The following OPCML variants were observed in gnomAD, a reference collection of about 807,000 sequenced individuals.
OPCML encodes opioid binding protein/cell adhesion molecule like, also known as opioid-binding protein/cell adhesion molecule.
OPCML carries 13 observed loss-of-function variants against 37.8 expected under a neutral mutation model. The observed-to-expected ratio is 0.34, with a 90% confidence interval of 0.22 to 0.55. The LOEUF is 0.55. OPCML is among the 20% of genes least tolerant of loss of function. The pLI, the probability that OPCML is intolerant of heterozygous loss-of-function variation, is 0.91. For missense variants in OPCML, 341 were observed against 435.6 expected (o/e 0.78, Z 1.93); for synonymous variants, 176 against 168.8 (o/e 1.04, Z -0.33).
At chr11:133,157,095 A>C (rs559802194) in intron 1 of OPCML, among the ~76,000 whole-genome samples, 1 of 152,188 alleles carries the variant, frequency 6.6e-6, no homozygotes, top group Admixed American at 6.5e-5. Context: ...AGGTCACCCA[A>C]TGGCAAAATC....
intron 2 of OPCML, among the ~76,000 whole-genome samples, chr11:132,909,101 A>C (rs976827615): frequency 2.6e-5 from 4 of 152,210 alleles, no homozygotes; most frequent in African/African-American, 7.2e-5. Flanking sequence ...GCTGAAAGCG[A>C]GGAGCAGCTT....
At chr11:133,224,145 G>T (rs1939944205) in intron 1 of OPCML, among the ~76,000 whole-genome samples, 1 of 152,188 alleles carries the variant, frequency 6.6e-6, no homozygotes, top group Non-Finnish European at 1.5e-5. Context: ...CTCATTTTGG[G>T]TTGGGATCAG....
intron 1 of OPCML, among the ~76,000 whole-genome samples, chr11:133,148,545 G>A (rs113668206): frequency 3.3e-5 from 5 of 152,308 alleles, no homozygotes; most frequent in South Asian, 2.1e-4. Context: ...ACTGGCCTTC[G>A]GGTAGACAGA....
At chr11:133,162,732 C>T (rs1350827238) in intron 1 of OPCML, among the ~76,000 whole-genome samples, 1 of 142,500 alleles carries the variant, frequency 7.0e-6, no homozygotes, top group Non-Finnish European at 1.6e-5. Flanking sequence ...ATAGCAGAGG[C>T]TAGCGTGTTT....
chr11:132,654,321 C>G (rs1941584134), intron 3 of OPCML, among the ~76,000 whole-genome samples: 1 of 152,208 alleles, frequency 6.6e-6, no homozygotes, highest in Admixed American at 6.5e-5. Flanking sequence ...AGAATGTCCT[C>G]CCGAAGAGAA....
intron 1 of OPCML, among the ~76,000 whole-genome samples, chr11:133,167,963 A>C (rs898053955): frequency 5.9e-5 from 9 of 152,190 alleles, no homozygotes; most frequent in African/African-American, 2.2e-4. Context: ...TGCAGAAGAC[A>C]GTGTCCCCCT....
intron 1 of OPCML, among the ~76,000 whole-genome samples, chr11:133,492,633 A>G (rs1275476199): frequency 6.6e-6 from 1 of 151,988 alleles, no homozygotes; most frequent in Non-Finnish European, 1.5e-5. Flanking sequence ...ATGATGCCCA[A>G]CGATCAAAGG....
In OPCML at chr11:132,730,458, T is replaced by A. The variant is rs117883028; in HGVS notation, c.147-73139A>T. Among the ~76,000 whole-genome samples the A allele has an allele frequency of 8.1e-3, 1,235 of 152,106 alleles. 13 individuals are homozygous for A. The highest frequency in any genetic ancestry group is 0.012 in the Non-Finnish European group (801 of 67,976). On this transcript the variant is annotated intron_variant, in intron 2 of 7. Coordinates refer to ENST00000524381, the MANE Select transcript of OPCML (RefSeq NM_001012393.5). Reference sequence around the variant, plus strand: ...AGCGGGTGTGGGAAAATAGCTCTGATCCTCCCTTGATAAATACGATGTCAA... The same window carrying A: ...AGCGGGTGTGGGAAAATAGCTCTGAACCTCCCTTGATAAATACGATGTCAA...
At chr11:132,675,582 A>T (rs569358066) in intron 2 of OPCML, among the ~76,000 whole-genome samples, 4 of 152,282 alleles carry the variant, frequency 2.6e-5, no homozygotes, top group African/African-American at 9.6e-5. Flanking sequence ...TGAATAAAGA[A>T]ATTTAGCAAG....
chr11:132,667,970 G>A (rs780134145), intron 2 of OPCML, among the ~76,000 whole-genome samples: 16 of 152,164 alleles, frequency 1.1e-4, no homozygotes, highest in Non-Finnish European at 1.8e-4. Context: ...GTTGGAGTAC[G>A]CCAAGTGAGC....
chr11:133,184,069 G>A (rs1327946322), intron 1 of OPCML, among the ~76,000 whole-genome samples: 1 of 152,182 alleles, frequency 6.6e-6, no homozygotes, highest in African/African-American at 2.4e-5. Context: ...GGAGGAAGTA[G>A]GGACTCAGAG....
At chr11:133,064,640 G>C (rs1406975949) in intron 1 of OPCML, 2 of 152,328 alleles carry the variant, frequency 1.3e-5, no homozygotes, top group South Asian at 2.1e-4. Context: ...TGAAGGATCC[G>C]GGAATGGGAC....
intron 1 of OPCML, among the ~76,000 whole-genome samples, chr11:133,368,376 C>T (rs1360444901): frequency 6.6e-6 from 1 of 151,946 alleles, no homozygotes; most frequent in Non-Finnish European, 1.5e-5. Context: ...GGGACCACAG[C>T]AGAGGAGAAG....
intron 2 of OPCML, among the ~76,000 whole-genome samples, chr11:132,737,899 C>A: frequency 6.6e-6 from 1 of 152,190 alleles, no homozygotes; most frequent in South Asian, 2.1e-4. Context: ...TTTGTTGGAG[C>A]AAAGCCATTG....
intron 1 of OPCML, among the ~76,000 whole-genome samples, chr11:133,031,252 T>C (rs551320096): frequency 2.1e-3 from 314 of 151,526 alleles, no homozygotes; most frequent in African/African-American, 7.4e-3. Context: ...GATGGGTGGA[T>C]GGGTAGACAG....
intron 1 of OPCML, among the ~76,000 whole-genome samples, chr11:133,017,203 C>T (rs1026076695): frequency 8.5e-5 from 13 of 152,202 alleles, no homozygotes; most frequent in Middle Eastern, 3.4e-3. Context: ...GCGCACTAAT[C>T]CCATTTGTGA....
chr11:133,021,095 G>A (rs984374091), intron 1 of OPCML, among the ~76,000 whole-genome samples: 8 of 152,130 alleles, frequency 5.3e-5, no homozygotes, highest in African/African-American at 1.9e-4. Context: ...CAGCCATTCA[G>A]GAGACATTTA....
At chr11:133,103,522 T>A (rs917702268) in intron 1 of OPCML, among the ~76,000 whole-genome samples, 1 of 152,170 alleles carries the variant, frequency 6.6e-6, no homozygotes, top group East Asian at 1.9e-4. Context: ...TGGATTAGAA[T>A]AAAACAAAAT....
At chr11:132,852,905 A>T (rs1209185626) in intron 2 of OPCML, among the ~76,000 whole-genome samples, 1 of 126,728 alleles carries the variant, frequency 7.9e-6, no homozygotes, top group Non-Finnish European at 1.7e-5. Context: ...AAAGGTTGTT[A>T]AAAAAAAAAA....
Sources: gnomAD v4.1 joint callset for allele counts (sites outside exome capture counted in the v4.1 genomes callset) on GRCh38, gnomAD v4.1.1 for gene constraint, MANE v1.5 for transcripts, NCBI Gene and HGNC (gene_info 2026-07-23, HGNC 2026-07-21) for gene names.